Variants in EZH1 observed in about 807,000 individuals in gnomAD.
The protein encoded by EZH1 is histone-lysine N-methyltransferase EZH1.
Under a neutral mutation model 100.5 loss-of-function variants are expected in EZH1, and 33 were observed. The observed-to-expected ratio is 0.33, with a 90% CI of 0.25 to 0.44. EZH1 has a LOEUF of 0.44. Ranked by LOEUF, EZH1 falls within the 20% of genes least tolerant of loss-of-function variation. EZH1 has a pLI of 1.00. For synonymous variants in EZH1, 272 were observed against 313.8 expected, an observed-to-expected ratio of 0.87 and a Z score of 1.41; for missense variants, 475 against 928.4, an observed-to-expected ratio of 0.51 and a Z score of 6.35.
intron 1 of EZH1, among the ~76,000 whole-genome samples, chr17:42,743,775 A>G (rs1188813831): frequency 6.6e-6 from 1 of 151,986 alleles, no homozygotes; most frequent in Non-Finnish European, 1.5e-5. Flanking sequence ...TAAAGTACTT[A>G]TCTCCTAACA....
intron 16 of EZH1, chr17:42,705,520 C>T: frequency 5.0e-6 from 1 of 201,104 alleles, no homozygotes; most frequent in Non-Finnish European, 1.0e-5. Context: ...TTCAAGGAAC[C>T]ACTTTTCTTT....
At chr17:42,719,315 G>A in intron 7 of EZH1, 108 bp from the exon 8 acceptor site, 1 of 820,656 alleles carries the variant, frequency 1.2e-6, no homozygotes, top group Non-Finnish European at 2.1e-6. Context: ...CAGCTGCTTT[G>A]TTAACCTAAC....
At position 42,720,350 on chromosome 17, in the gene EZH1, T is replaced by C. The variant is rs1465203821; in HGVS notation, c.587A>G (p.Asp196Gly). 1 of 1,614,188 alleles carries C rather than the reference T, an allele frequency of 6.2e-7. No individual in the cohort carries two copies. Among genetic ancestry groups the C allele is most frequent in the South Asian group, 1.1e-5 (1 of 91,078 alleles). ...YSDEEEEGHN[D>G]TSDGKQDDSK... ...GTCATCCTGCTTTCCATCTGAGGTG[T>C]CATTGTGCCCTTCCTCCTCCTCATC... Residue 196 changes from aspartate (D) to glycine (G), a missense_variant, in exon 7 of 21, where the codon GAC becomes GGC. By Grantham distance (94) the Asp-to-Gly change is moderately conservative (BLOSUM62 -1). This residue lies in a region of EZH1 where 180 missense variants were observed against 295.3 expected (regional missense o/e 0.61). Coordinates refer to ENST00000428826, the MANE Select transcript of EZH1 (RefSeq NM_001991.5).
rs531471953 is a variant in EZH1, at chr17:42,708,436, T to C, written c.1535-353A>G. Among the ~76,000 whole-genome samples, 5 of 152,068 alleles carry C rather than the reference T, an allele frequency of 3.3e-5. No homozygotes were observed. The East Asian group carries it at 9.7e-4, about 29-fold the overall frequency. ...TTGCGAGGCCGAGGCAGGTGGATCA[T>C]TTGAGGTCAGGAGTTCGAGACCAGC... On this transcript the variant is annotated intron_variant, in intron 14 of 20. Coordinates refer to ENST00000428826, the MANE Select transcript of EZH1 (RefSeq NM_001991.5).
chr17:42,713,294 G>A lies in EZH1; in HGVS notation c.1119C>T (p.Ser373=), dbSNP rs867943786. ...RRHHIVSASC[S]NASASAVAET... Reference sequence around the variant, plus strand: ...CAGCCACAGCAGAGGCTGAGGCATTGGAGCAGGAAGCACTGACTATGTGGT... The same window carrying A: ...CAGCCACAGCAGAGGCTGAGGCATTAGAGCAGGAAGCACTGACTATGTGGT... Residue 373 remains serine, a synonymous_variant, in exon 11 of 21, where the codon TCC becomes TCT. Transcript: ENST00000428826. 6.2e-7 allele frequency: 1 copy of A among 1,614,036 alleles called. No homozygotes were observed. Among genetic ancestry groups the A allele is most frequent in the Non-Finnish European group, 8.5e-7 (1 of 1,179,924 alleles).
rs1235627467 is a variant in EZH1 at position 42,709,941 on chromosome 17, G to T, written c.1402-4C>A. Reference sequence around the variant, plus strand: ...CTTTGACTGCAAACTGAAAGACCTGGAAGAGAAATCCAACGGGCCTGTCAC... The same window carrying T: ...CTTTGACTGCAAACTGAAAGACCTGTAAGAGAAATCCAACGGGCCTGTCAC... On this transcript the variant is annotated splice_polypyrimidine_tract_variant and splice_region_variant and intron_variant, in intron 12 of 20. Coordinates refer to ENST00000428826, the MANE Select transcript of EZH1 (RefSeq NM_001991.5). 4 of 1,613,952 alleles carry T rather than the reference G, an allele frequency of 2.5e-6. No homozygotes were observed. Among genetic ancestry groups the T allele is most frequent in the Admixed American group, 1.7e-5 (1 of 59,982 alleles).
intron 1 of EZH1, among the ~76,000 whole-genome samples, chr17:42,733,331 C>CT (rs1020233338): frequency 7.1e-6 from 1 of 141,838 alleles, no homozygotes; most frequent in Non-Finnish European, 1.5e-5. Context: ...GAGCAAAACT[C>CT]TGTCTCAAAA....
At position 42,713,343 on chromosome 17, in the gene EZH1, C is replaced by A. The variant is rs1346546310; in HGVS notation, c.1070G>T (p.Cys357Phe). The change falls in exon 11 of 21, where the codon TGC becomes TTC. Residue 357 changes from cysteine to phenylalanine, a missense_variant. Coordinates refer to ENST00000428826, the MANE Select transcript of EZH1 (RefSeq NM_001991.5). The stretch of plus-strand genomic sequence containing the variant: ...GTGCCTTCTCCGGCGACGACCAGAG[C>A]ACTTGGAGCGGGGGTTGTGGAGCAT... ...YAMLHNPRSK[C>F]SGRRRRRHHI... 15 of 1,611,814 alleles carry A rather than the reference C, an allele frequency of 9.3e-6. No homozygotes were observed. The highest frequency in any genetic ancestry group is 1.3e-5 in the Non-Finnish European group (15 of 1,177,994).
rs758419932 is a variant in EZH1, at chr17:42,718,611, T to C, written c.774A>G (p.Arg258=). The change falls in exon 9 of 21, where the codon CGA becomes CGG. Residue 258 remains arginine, a synonymous_variant. Coordinates refer to ENST00000428826, the MANE Select transcript of EZH1 (RefSeq NM_001991.5). The surrounding 1 kb of genome is among the most constrained non-coding windows in gnomAD (Gnocchi z 4.2). ...TGGGGTCTGACATCTCTGTTAGTTC[T>C]CGATACCTATTTAAGAAAAGAGAGA... ...GVPDDMKERY[R]ELTEMSDPNA... is the part of the protein sequence containing the mutation. 1 of 1,614,094 alleles carries C rather than the reference T, an allele frequency of 6.2e-7. No individual in the cohort carries two copies. Among genetic ancestry groups the C allele is most frequent in the Non-Finnish European group, 8.5e-7 (1 of 1,179,986 alleles).
At chr17:42,726,019 T>C (rs768263262) in intron 4 of EZH1, among the ~76,000 whole-genome samples, 5 of 151,416 alleles carry the variant, frequency 3.3e-5, no homozygotes, top group African/African-American at 7.3e-5. Context: ...GCTGGGATTA[T>C]AGGTGCACGC....
intron 4 of EZH1, among the ~76,000 whole-genome samples, chr17:42,726,446 A>G (rs2143823359): frequency 6.6e-6 from 1 of 151,802 alleles, no homozygotes; most frequent in African/African-American, 2.4e-5. Flanking sequence ...ATGACACTGC[A>G]CTCCAGTCTG....
intron 10 of EZH1, among the ~76,000 whole-genome samples, chr17:42,714,910 T>C (rs2053563788): frequency 7.2e-6 from 1 of 138,898 alleles, no homozygotes; most frequent in Non-Finnish European, 1.5e-5. Flanking sequence ...AAATATATTA[T>C]ATAATTATAT....
At chr17:42,744,877 G>A in intron 1 of EZH1, 134 bp downstream of exon 1, 2 of 980,114 alleles carry the variant, frequency 2.0e-6, no homozygotes, top group South Asian at 1.6e-5. Flanking sequence ...TGCTACCCCC[G>A]GCCAGGCAGG....
chr17:42,737,872 T>C (rs1233453225), intron 1 of EZH1, among the ~76,000 whole-genome samples: 2 of 151,972 alleles, frequency 1.3e-5, no homozygotes, highest in Non-Finnish European at 2.9e-5. Flanking sequence ...TGAAATTGTA[T>C]GGCAATAAAA....
intron 17 of EZH1, 79 bp from the exon 18 acceptor site, chr17:42,704,762 G>T (rs2048663375): frequency 1.8e-6 from 2 of 1,126,632 alleles, no homozygotes; most frequent in Non-Finnish European, 2.6e-6. Flanking sequence ...AGAAAGGGCT[G>T]GGTGGTATCT....
Position 42,719,223 on chromosome 17 carries a change from T to C in EZH1, c.665-16A>G. The C allele has an allele frequency of 6.3e-7, 1 of 1,594,576 alleles. No homozygotes were observed. Among genetic ancestry groups the C allele is most frequent in the South Asian group, 1.1e-5 (1 of 90,624 alleles). On this transcript the variant is annotated splice_polypyrimidine_tract_variant and intron_variant, in intron 7 of 20. Coordinates refer to ENST00000428826, the MANE Select transcript of EZH1 (RefSeq NM_001991.5). The stretch of plus-strand genomic sequence containing the variant: ...TTTTTGTTGCCTGAATTGGAAATGA[T>C]AAAAAGCTCCTGAGTGCGATTATCA...
Position 42,718,262 on chromosome 17 carries a change from T to C in EZH1, c.931+192A>G. The stretch of plus-strand genomic sequence containing the variant: ...TAAGAGGTACTGAGGGACAGATAAG[T>C]TGCTAGTTAGTCTGTCCCTATCATG... On this transcript the variant is annotated intron_variant, in intron 9 of 20. Coordinates refer to ENST00000428826, the MANE Select transcript of EZH1 (RefSeq NM_001991.5). The surrounding 1 kb of genome is among the most constrained non-coding windows in gnomAD (Gnocchi z 4.2). 1 of 839,466 alleles carries C rather than the reference T, an allele frequency of 1.2e-6. No individual in the cohort carries two copies. Among genetic ancestry groups the C allele is most frequent in the Non-Finnish European group, 1.8e-6 (1 of 546,914 alleles). The allele number at this position is 839,466 out of a possible 1,614,324, so 52.0% of individuals were successfully genotyped here. A position where few individuals can be genotyped will look rare whatever the true frequency, so the allele number is the denominator to read the frequency against.
chr17:42,743,413 G>A (rs1242825010), intron 1 of EZH1, among the ~76,000 whole-genome samples: 5 of 146,490 alleles, frequency 3.4e-5, no homozygotes, highest in Admixed American at 6.8e-5. Context: ...TCGAGTGAAC[G>A]GTCCACCTCA....
At chr17:42,734,592 T>C (rs2054027096) in intron 1 of EZH1, among the ~76,000 whole-genome samples, 1 of 145,320 alleles carries the variant, frequency 6.9e-6, no homozygotes, top group Admixed American at 7.1e-5. Context: ...CACCTAAGCA[T>C]GGGGAGGTAG....
Sources: gnomAD v4.1 joint callset for allele counts (sites outside exome capture counted in the v4.1 genomes callset) on GRCh38, gnomAD v4.1.1 for gene constraint, gnomAD v4.1.1 regional missense constraint, Gnocchi (gnomAD v3.1) non-coding constraint, MANE v1.5 for transcripts, NCBI Gene and HGNC (gene_info 2026-07-23, HGNC 2026-07-21) for gene names.